Variants in FAM219A observed in about 807,000 individuals in gnomAD.
FAM219A encodes the protein family with sequence similarity 219 member A, also known as protein FAM219A.
Under a neutral mutation model 23.4 loss-of-function variants are expected in FAM219A, and 7 were observed. That is an observed-to-expected ratio of 0.30 (90% CI 0.17 to 0.56). The LOEUF (loss-of-function observed/expected upper bound fraction) is 0.56. FAM219A is among the 20% of genes least tolerant of loss of function. The pLI is 0.92. For synonymous variants in FAM219A, 93 were observed against 99.0 expected, an observed-to-expected ratio of 0.94 and a Z score of 0.36; for missense variants, 166 against 246.9, an observed-to-expected ratio of 0.67 and a Z score of 2.20.
intron 1 of FAM219A, among the ~76,000 whole-genome samples, chr9:34,434,747 T>C (rs990025446): frequency 1.3e-5 from 2 of 152,232 alleles, no homozygotes; most frequent in African/African-American, 2.4e-5. Context: ...ATGGTGAAAG[T>C]GGAACTGTAG....
chr9:34,455,788 C>A (rs561099879), intron 1 of FAM219A, among the ~76,000 whole-genome samples: 4 of 152,198 alleles, frequency 2.6e-5, no homozygotes, highest in Admixed American at 2.0e-4. Flanking sequence ...TTTTGAGGTG[C>A]CTCTGGAATA....
intron 1 of FAM219A, among the ~76,000 whole-genome samples, chr9:34,410,980 T>C (rs2039670): frequency 0.12 from 18,974 of 152,242 alleles, 1,565 homozygotes; most frequent in Non-Finnish European, 0.18. Context: ...TAGCACTATA[T>C]CCATGTTAAC....
At chr9:34,406,419 C>G in intron 1 of FAM219A, 3 of 985,440 alleles carry the variant, frequency 3.0e-6, no homozygotes, top group Non-Finnish European at 3.6e-6. Context: ...CTCTGTTTCC[C>G]TGTGCTGGAC....
chr9:34,411,676 CAA>C (rs55988337), intron 1 of FAM219A, among the ~76,000 whole-genome samples: 69 of 114,576 alleles, frequency 6.0e-4, no homozygotes, highest in Non-Finnish European at 9.4e-4. Flanking sequence ...GACTCCGTCT[CAA>C]AAAAAAAAAA....
chr9:34,406,541 G>T, intron 1 of FAM219A: 1 of 954,052 alleles, frequency 1.0e-6, no homozygotes. Flanking sequence ...GTTCACAAAT[G>T]ACACCTAAAG....
intron 1 of FAM219A, among the ~76,000 whole-genome samples, chr9:34,455,293 C>T (rs968713398): frequency 6.6e-6 from 1 of 152,004 alleles, no homozygotes; most frequent in African/African-American, 2.4e-5. Context: ...AATGGAAAAA[C>T]AATCGAGGAA....
intron 1 of FAM219A, among the ~76,000 whole-genome samples, chr9:34,412,627 G>T (rs1821863503): frequency 6.7e-6 from 1 of 149,296 alleles, no homozygotes; most frequent in South Asian, 2.1e-4. Flanking sequence ...CAAGGGTGAA[G>T]TTCTGGGAAA....
chr9:34,427,024 C>T (rs1822510812), intron 1 of FAM219A, among the ~76,000 whole-genome samples: 1 of 152,066 alleles, frequency 6.6e-6, no homozygotes, highest in Non-Finnish European at 1.5e-5. Context: ...TTCTATCTCC[C>T]CAACCTCATC....
Position 34,402,686 on chromosome 9 carries a change from G to C in FAM219A, c.263+19C>G. ...GGTCCTGGCTGGCAGGGTCCAGGTG[G>C]GGTAGGGAGGGCCTCTACCTTGTTC... On this transcript the variant is annotated intron_variant, in intron 3 of 5. Coordinates refer to ENST00000651358, the MANE Select transcript of FAM219A (RefSeq NM_001184940.2). 6.2e-7 allele frequency: 1 copy of C among 1,612,262 alleles called. No homozygotes were observed. Among genetic ancestry groups the C allele is most frequent in the Non-Finnish European group, 8.5e-7 (1 of 1,178,472 alleles).
intron 1 of FAM219A, among the ~76,000 whole-genome samples, chr9:34,449,181 C>A (rs1013389845): frequency 6.6e-6 from 1 of 151,818 alleles, no homozygotes. Context: ...CAGAAAAAAA[C>A]AAAAATTAGC....
At chr9:34,429,994 A>T (rs767555851) in intron 1 of FAM219A, among the ~76,000 whole-genome samples, 19 of 152,110 alleles carry the variant, frequency 1.2e-4, no homozygotes, top group Non-Finnish European at 4.4e-5. Flanking sequence ...ACTATCCTGA[A>T]GTATTAGGGT....
In FAM219A at chr9:34,401,733, G is replaced by T. The variant is rs1226452067; in HGVS notation, c.345-13C>A. The stretch of plus-strand genomic sequence containing the variant: ...AAAGTCATCATCGCTGGCCATGGAG[G>T]AAAGAGAGGGAAAGTGATACCAAGA... On this transcript the variant is annotated splice_polypyrimidine_tract_variant and intron_variant, in intron 4 of 5. Transcript: ENST00000651358. 1 of 1,603,806 alleles carries T rather than the reference G, an allele frequency of 6.2e-7. No individual in the cohort carries two copies. The highest frequency in any genetic ancestry group is 2.2e-5 in the East Asian group (1 of 44,592).
At chr9:34,442,713 T>C (rs1321032033) in intron 1 of FAM219A, among the ~76,000 whole-genome samples, 1 of 150,596 alleles carries the variant, frequency 6.6e-6, no homozygotes, top group South Asian at 2.1e-4. Context: ...AAAAGAGACA[T>C]GTCAACCAAA....
chr9:34,441,925 T>C (rs1424052695), intron 1 of FAM219A, among the ~76,000 whole-genome samples: 1 of 152,136 alleles, frequency 6.6e-6, no homozygotes, highest in East Asian at 1.9e-4. Flanking sequence ...GGTCTCACTA[T>C]GTTGCCCAGA....
rs762443066 is a variant in FAM219A, at chr9:34,402,453, T to C, written c.278A>G (p.Asn93Ser). 2.5e-5 allele frequency: 41 copies of C among 1,614,048 alleles called. No homozygotes were observed. The highest frequency in any genetic ancestry group is 5.5e-5 in the South Asian group (5 of 91,088). Residue 93 changes from asparagine to serine, a missense_variant, in exon 4 of 6, where the codon AAT becomes AGT. By Grantham distance (46) the Asn-to-Ser change is conservative. Transcript: ENST00000651358. ...CTGGTCAAGTGAGGAGTAGCCTTTATTGGGGACGACCAGCCTAGGTGAAGA... is the reference window on the plus strand; with the variant it reads ...CTGGTCAAGTGAGGAGTAGCCTTTACTGGGGACGACCAGCCTAGGTGAAGA... ...VMARTRLVVP[N>S]KGYSSLDQSP...
chr9:34,424,718 A>G (rs1274471448), intron 1 of FAM219A, among the ~76,000 whole-genome samples: 1 of 152,238 alleles, frequency 6.6e-6, no homozygotes, highest in Admixed American at 6.5e-5. Context: ...CGATTTTCCC[A>G]GAACCCACAA....
At position 34,401,693 on chromosome 9, in the gene FAM219A, G is replaced by A. The variant is rs757744489; in HGVS notation, c.372C>T (p.Tyr124=). 1 of 1,608,872 alleles carries A rather than the reference G, an allele frequency of 6.2e-7. No individual in the cohort carries two copies. The highest frequency in any genetic ancestry group is 1.3e-5 in the African/African-American group (1 of 74,908). Residue 124 remains tyrosine (Y), a synonymous_variant, in exon 5 of 6, where the codon TAC becomes TAT. Coordinates refer to ENST00000651358, the MANE Select transcript of FAM219A (RefSeq NM_001184940.2). ...CAGCAGAGGAGTAGCCGGAGGAGGA[G>A]TATCTAGACATGTCAAAGTCATCAT... ...DSDDDFDMSR[Y]SSSGYSSAEQ... is the part of the protein sequence containing the mutation.
At chr9:34,418,969 G>C (rs920007374) in intron 1 of FAM219A, among the ~76,000 whole-genome samples, 1 of 152,096 alleles carries the variant, frequency 6.6e-6, no homozygotes, top group Non-Finnish European at 1.5e-5. Context: ...CAACTACTCA[G>C]GAGGCTGAGG....
At chr9:34,410,958 A>C (rs142202873) in intron 1 of FAM219A, among the ~76,000 whole-genome samples, 1 of 152,232 alleles carries the variant, frequency 6.6e-6, no homozygotes, top group Non-Finnish European at 1.5e-5. Flanking sequence ...AGTCCTTAGC[A>C]TAGTATACCC....
Sources: allele counts gnomAD v4.1 joint callset (sites outside exome capture counted in the v4.1 genomes callset), GRCh38; gene constraint gnomAD v4.1.1; transcripts MANE v1.5; gene names NCBI Gene and HGNC (gene_info 2026-07-23, HGNC 2026-07-21).